TEX2: variants seen among roughly 807,000 people sequenced by gnomAD.
The protein encoded by TEX2 is testis-expressed protein 2.
TEX2 carries 53 observed loss-of-function variants against 106.9 expected under a neutral mutation model. The observed-to-expected ratio is 0.50, with a 90% CI of 0.40 to 0.62. The LOEUF is 0.62. Ranked by LOEUF, TEX2 falls within the 20% of genes least tolerant of loss-of-function variation. The probability of loss-of-function intolerance (pLI) is 0.00; values close to 1 mark genes in which losing one functional copy is unlikely to be tolerated. For synonymous variants in TEX2, 523 were observed against 534.8 expected (o/e 0.98, Z 0.30); for missense variants, 1,207 against 1,379.0 (o/e 0.88, Z 1.98).
intron 5 of TEX2, 129 bp downstream of exon 5, chr17:64,188,039 C>T: frequency 9.5e-7 from 1 of 1,057,430 alleles, no homozygotes; most frequent in East Asian, 2.5e-5. Flanking sequence ...TCCCCAAAGG[C>T]AGGGTCCTTC....
intron 1 of TEX2, among the ~76,000 whole-genome samples, chr17:64,254,089 G>A (rs1158398315): frequency 6.6e-6 from 1 of 152,058 alleles, no homozygotes; most frequent in African/African-American, 2.4e-5. Flanking sequence ...CTTAACAGAC[G>A]CCTCTCTACC....
intron 1 of TEX2, among the ~76,000 whole-genome samples, chr17:64,230,180 G>A (rs1244660194): frequency 2.6e-5 from 4 of 151,224 alleles, no homozygotes; most frequent in African/African-American, 9.7e-5. Context: ...GGAAAGAGTG[G>A]GACTGAGGGA....
intron 6 of TEX2, among the ~76,000 whole-genome samples, chr17:64,176,025 G>T (rs552788036): frequency 3.0e-4 from 46 of 152,288 alleles, no homozygotes; most frequent in African/African-American, 1.1e-3. Flanking sequence ...CAACACAGAG[G>T]GTTACTGCTA....
At chr17:64,161,836 T>C (rs1347169387) in intron 7 of TEX2, among the ~76,000 whole-genome samples, 1 of 152,120 alleles carries the variant, frequency 6.6e-6, no homozygotes, top group Non-Finnish European at 1.5e-5. Flanking sequence ...AGTGGGTGTT[T>C]AAATGTTAAT....
chr17:64,223,493 C>G (rs2033418826), intron 1 of TEX2, among the ~76,000 whole-genome samples: 1 of 151,474 alleles, frequency 6.6e-6, no homozygotes, highest in African/African-American at 2.4e-5. Context: ...TTCCAGGCCA[C>G]TCAATTATCA....
In TEX2 at chr17:64,193,748, C is replaced by G; in HGVS notation, c.1987G>C (p.Glu663Gln). The change falls in exon 4 of 12, where the codon GAG becomes CAG. Residue 663 changes from glutamate (E) to glutamine (Q), a missense_variant. By Grantham distance (29) the Glu-to-Gln change is conservative. This residue lies in a region of TEX2 where 1,067 missense variants were observed against 1,193.6 expected (regional missense o/e 0.89). Transcript: ENST00000584379. The part of the protein sequence containing the change: ...KETSEEKPPA[E>Q]GSEDPKKPPR... ...GGCTTCTTAGGGTCCTCACTTCCCT[C>G]AGCTGGCGGCTTCTCTTCTGAAGTC... The G allele has an allele frequency of 6.2e-7, 1 of 1,613,864 alleles. No individual in the cohort carries two copies. Among genetic ancestry groups the G allele is most frequent in the Non-Finnish European group, 8.5e-7 (1 of 1,179,840 alleles).
intron 10 of TEX2, among the ~76,000 whole-genome samples, chr17:64,152,514 C>T (rs1462873899): frequency 6.6e-6 from 1 of 152,140 alleles, no homozygotes; most frequent in African/African-American, 2.4e-5. Flanking sequence ...TGATCCCCAT[C>T]TTTAAAGTAG....
intron 6 of TEX2, among the ~76,000 whole-genome samples, chr17:64,173,221 T>C (rs1267457803): frequency 1.3e-5 from 2 of 152,214 alleles, no homozygotes; most frequent in African/African-American, 2.4e-5. Flanking sequence ...AGCTTTATAA[T>C]ACACTTTTAA....
intron 8 of TEX2, 154 bp from the exon 9 acceptor site, chr17:64,155,121 A>G (rs1418374804): frequency 1.1e-6 from 1 of 911,270 alleles, no homozygotes; most frequent in Admixed American, 4.0e-5. Flanking sequence ...CACCCAAACC[A>G]GAAGAGGCCC....
chr17:64,152,554 T>A (rs996235695), intron 10 of TEX2, among the ~76,000 whole-genome samples: 1 of 152,154 alleles, frequency 6.6e-6, no homozygotes, highest in Admixed American at 6.5e-5. Context: ...CTCAACAGGA[T>A]GCTATGAGGA....
chr17:64,214,377 T>TC lies in TEX2; in HGVS notation c.-25-136dup, dbSNP rs2033125847. On this transcript the variant is annotated intron_variant, in intron 1 of 11. Transcript: ENST00000584379. The stretch of plus-strand genomic sequence containing the variant: ...TTACTTGGCAGATGTCCACCGTTTT[T>TC]CACTTCATTGGGTTTAATGGTTTAA... 6 of 727,558 alleles carry TC rather than the reference T, an allele frequency of 8.2e-6. No individual in the cohort carries two copies. In the South Asian group the frequency reaches 1.2e-4, roughly 14 times the overall value. 45.1% of individuals were successfully genotyped at this position (727,558 alleles called of 1,614,324 possible). A position where few individuals can be genotyped will look rare whatever the true frequency, so the allele number is the denominator to read the frequency against.
chr17:64,176,374 C>T (rs1252243878), intron 6 of TEX2, among the ~76,000 whole-genome samples: 1 of 152,148 alleles, frequency 6.6e-6, no homozygotes. Context: ...ATCTAGAGTC[C>T]TTGAACTTTC....
chr17:64,237,859 C>T (rs2033804240), intron 1 of TEX2, among the ~76,000 whole-genome samples: 2 of 152,120 alleles, frequency 1.3e-5, no homozygotes, highest in Non-Finnish European at 2.9e-5. Context: ...GTAACTGATA[C>T]TATTACATGT....
chr17:64,187,868 A>G (rs2032135738), intron 5 of TEX2, among the ~76,000 whole-genome samples: 1 of 152,252 alleles, frequency 6.6e-6, no homozygotes, highest in South Asian at 2.1e-4. Context: ...AAAATAGCAG[A>G]GAAAAACAGT....
intron 4 of TEX2, 96 bp downstream of exon 4, chr17:64,193,463 G>GCTTCCTTGCTTC: frequency 1.0e-6 from 1 of 993,984 alleles, no homozygotes; most frequent in Non-Finnish European, 1.4e-6. Context: ...TTCAGGGTGG[G>GCTTCCTTGCTTC]CTTCCTTCCT....
chr17:64,155,019 TAGAA>T (rs2030552224), intron 8 of TEX2, 52 bp from the exon 9 acceptor site: 5 of 1,498,732 alleles, frequency 3.3e-6, no homozygotes, highest in Non-Finnish European at 4.4e-6. Flanking sequence ...AAGCTCTGCT[TAGAA>T]AGAGAACACA....
In TEX2 at chr17:64,160,829, G is replaced by A; in HGVS notation, c.2776C>T (p.Leu926=). 1 of 1,614,004 alleles carries A rather than the reference G, an allele frequency of 6.2e-7. No individual in the cohort carries two copies. The highest frequency in any genetic ancestry group is 8.5e-7 in the Non-Finnish European group (1 of 1,179,984). The part of the protein sequence containing the change: ...KLGKEPLVEA[L]KVGEIGKEGC... ...TCTTTGCCAATTTCTCCAACCTTCAGGGCTTCAACAAGAGGCTCTTTACCT... is the reference window on the plus strand; with the variant it reads ...TCTTTGCCAATTTCTCCAACCTTCAAGGCTTCAACAAGAGGCTCTTTACCT... The change falls in exon 8 of 12, where the codon CTG becomes TTG. Residue 926 remains leucine (L), a synonymous_variant. Coordinates refer to ENST00000584379, the MANE Select transcript of TEX2 (RefSeq NM_001288732.2).
chr17:64,194,862 C>T, intron 3 of TEX2, 33 bp downstream of exon 3: 1 of 1,605,592 alleles, frequency 6.2e-7, no homozygotes, highest in Non-Finnish European at 8.5e-7. Context: ...TTTCATTCAT[C>T]TAAGCTATCC....
At chr17:64,198,646 T>C (rs1383408133) in intron 2 of TEX2, among the ~76,000 whole-genome samples, 3 of 131,220 alleles carry the variant, frequency 2.3e-5, no homozygotes, top group African/African-American at 7.8e-5. Context: ...ACTGCCTTCG[T>C]CCATCCTAAT....
Sources: gnomAD v4.1 joint callset for allele counts (sites outside exome capture counted in the v4.1 genomes callset) on GRCh38, gnomAD v4.1.1 for gene constraint, gnomAD v4.1.1 regional missense constraint, MANE v1.5 for transcripts, NCBI Gene and HGNC (gene_info 2026-07-23, HGNC 2026-07-21) for gene names.